The following PMPCA variants were observed in gnomAD, a reference collection of about 807,000 sequenced individuals.
The protein encoded by PMPCA is peptidase, mitochondrial processing subunit alpha, also known as mitochondrial-processing peptidase subunit alpha.
PMPCA carries 47 observed loss-of-function variants against 59.3 expected under a neutral mutation model. The observed-to-expected ratio is 0.79, with a 90% CI of 0.63 to 1.01. PMPCA has a LOEUF of 1.01. Ranked by LOEUF, PMPCA falls within the 50% of genes least tolerant of loss-of-function variation. The pLI is 0.00. For synonymous variants in PMPCA, 338 were observed against 290.3 expected, an observed-to-expected ratio of 1.16 and a Z score of -1.67; for missense variants, 726 against 704.5, an observed-to-expected ratio of 1.03 and a Z score of -0.34.
In PMPCA at chr9:136,417,119, C is replaced by T. The variant is rs868051663; in HGVS notation, c.802C>T (p.Arg268Trp). Residue 268 changes from arginine (R) to tryptophan (W), a missense_variant, in exon 7 of 13, where the codon CGG becomes TGG. Coordinates refer to ENST00000371717, the MANE Select transcript of PMPCA (RefSeq NM_015160.3). ...VEHEHLVDCA[R>W]KYLLGVQPAW... ...GCACGAGCATCTGGTGGACTGTGCCCGGAAGTACCTCCTGGGGGTCCAGCC... is the reference window on the plus strand; with the variant it reads ...GCACGAGCATCTGGTGGACTGTGCCTGGAAGTACCTCCTGGGGGTCCAGCC... 14 of 1,613,548 alleles carry T rather than the reference C, an allele frequency of 8.7e-6. No individual in the cohort carries two copies. Among genetic ancestry groups the T allele is most frequent in the African/African-American group, 5.3e-5 (4 of 74,912 alleles).
intron 5 of PMPCA, chr9:136,415,977 C>G: frequency 2.4e-6 from 1 of 425,486 alleles, no homozygotes; most frequent in South Asian, 3.5e-5. Flanking sequence ...CTCGTGTCCT[C>G]ACAGCAGCAC....
chr9:136,422,613 C>T (rs1175028048), intron 12 of PMPCA: 1 of 1,007,572 alleles, frequency 9.9e-7, no homozygotes, highest in African/African-American at 1.7e-5. Flanking sequence ...TCAGGAGCCC[C>T]CGCTTAAATC....
At chr9:136,412,987 G>A in intron 4 of PMPCA, 95 bp downstream of exon 4, 1 of 785,144 alleles carries the variant, frequency 1.3e-6, no homozygotes, top group East Asian at 2.5e-5. Context: ...CCCAGCGGGA[G>A]GTGTGGAGAT....
At chr9:136,411,932 C>G in intron 1 of PMPCA, 65 bp from the exon 2 acceptor site, 1 of 913,510 alleles carries the variant, frequency 1.1e-6, no homozygotes, top group Non-Finnish European at 1.8e-6. Flanking sequence ...CTAACCGCAC[C>G]TAACAGGTCA....
At chr9:136,422,984 C>G (rs1006719599) in intron 12 of PMPCA, 111 bp from the exon 13 acceptor site, 2 of 1,468,428 alleles carry the variant, frequency 1.4e-6, no homozygotes, top group Non-Finnish European at 1.8e-6. Flanking sequence ...ATCAGCAGCA[C>G]AGCGTGAGTG....
intron 12 of PMPCA, 128 bp from the exon 13 acceptor site, chr9:136,422,966 GT>G: frequency 6.9e-7 from 1 of 1,450,412 alleles, no homozygotes; most frequent in Non-Finnish European, 9.1e-7. Context: ...TTGGGCCCAG[GT>G]GCCCCCATCA....
intron 1 of PMPCA, among the ~76,000 whole-genome samples, chr9:136,411,712 C>A (rs548098529): frequency 6.6e-6 from 1 of 152,304 alleles, no homozygotes; most frequent in East Asian, 1.9e-4. Context: ...CTGTTAAGTG[C>A]TTTATGTGTA....
chr9:136,419,498 A>G, intron 11 of PMPCA: 2 of 347,168 alleles, frequency 5.8e-6, no homozygotes, highest in African/African-American at 4.2e-5. Flanking sequence ...GGGGTGAAGC[A>G]GCTCGCACAG....
rs1009542436 is a variant in PMPCA, at chr9:136,422,108, G to A, written c.1408+132G>A. ...CACCCAGAATCTGGGGCCTTCACCA[G>A]TTGTCCTCAGCAGGGGCGGCCAAGG... On this transcript the variant is annotated intron_variant, in intron 12 of 12. Coordinates refer to ENST00000371717, the MANE Select transcript of PMPCA (RefSeq NM_015160.3). 3.2e-6 allele frequency: 5 copies of A among 1,545,490 alleles called. No individual in the cohort carries two copies. The African/African-American group carries it at 6.9e-5, about 21-fold the overall frequency.
chr9:136,421,404 G>GTTTTTTTTTTT (rs57128281), intron 11 of PMPCA, among the ~76,000 whole-genome samples: 1 of 118,008 alleles, frequency 8.5e-6, no homozygotes, highest in Non-Finnish European at 1.7e-5. Context: ...CTGGGTTCCC[G>GTTTTTTTTTTT]TTTTTTTTTT....
intron 1 of PMPCA, 28 bp downstream of exon 1, chr9:136,410,767 C>T (rs367781454): frequency 4.3e-6 from 6 of 1,387,946 alleles, no homozygotes; most frequent in Non-Finnish European, 3.7e-6. Flanking sequence ...CAGGCTTCGG[C>T]CTGGGGCGGG....
intron 8 of PMPCA, among the ~76,000 whole-genome samples, 173 bp downstream of exon 8, chr9:136,418,282 T>G (rs1835340692): frequency 6.6e-6 from 1 of 151,604 alleles, no homozygotes; most frequent in South Asian, 2.1e-4. Flanking sequence ...TGTGGGCGAC[T>G]CAGCCAGCTC....
chr9:136,415,144 G>A (rs1235880167), intron 5 of PMPCA, among the ~76,000 whole-genome samples: 19 of 152,106 alleles, frequency 1.2e-4, no homozygotes, highest in Admixed American at 8.5e-4. Context: ...GCTGGCTCAC[G>A]CCTGTAATCC....
At chr9:136,416,098 C>T (rs1295311201) in intron 5 of PMPCA, 193 bp from the exon 6 acceptor site, 2 of 593,992 alleles carry the variant, frequency 3.4e-6, no homozygotes, top group Admixed American at 6.1e-5. Context: ...GGCCCAGGTC[C>T]CCTAGCTCCT....
At position 136,416,376 on chromosome 9, in the gene PMPCA, C is replaced by G; in HGVS notation, c.618C>G (p.Thr206=). 6.2e-7 allele frequency: 1 copy of G among 1,611,394 alleles called. No homozygotes were observed. Among genetic ancestry groups the G allele is most frequent in the Non-Finnish European group, 8.5e-7 (1 of 1,177,592 alleles). The part of the protein sequence containing the change: ...NLRPDPEPLL[T]EMIHEAAYRE... ...GGCCTGACCCAGAGCCACTTCTCAC[C>G]GAGATGATTCATGAAGTAAAATGTC... The change falls in exon 6 of 13, where the codon ACC becomes ACG. Residue 206 remains threonine, a synonymous_variant. Coordinates refer to ENST00000371717, the MANE Select transcript of PMPCA (RefSeq NM_015160.3).
In PMPCA at chr9:136,418,760, T is replaced by C. The variant is rs1359862206; in HGVS notation, c.1110-68T>C. 5 of 1,512,986 alleles carry C rather than the reference T, an allele frequency of 3.3e-6. No individual in the cohort carries two copies. In the East Asian group the frequency reaches 1.1e-4, roughly 34 times the overall value. The allele number at this position is 1,512,986 out of a possible 1,614,324, so 93.7% of individuals were successfully genotyped here. On this transcript the variant is annotated intron_variant, in intron 9 of 12. Transcript: ENST00000371717. ...CATGAGGCCACCTTCCAGGTGACTT[T>C]TCTCCAGTTTCCCATGGCCTGATCC... is the stretch of plus-strand genomic sequence containing the variant.
chr9:136,415,642 T>C (rs914209180), intron 5 of PMPCA, among the ~76,000 whole-genome samples: 5 of 152,248 alleles, frequency 3.3e-5, no homozygotes, highest in Admixed American at 6.5e-5. Flanking sequence ...GTGCCTCTGT[T>C]TCTTTTTGGA....
intron 1 of PMPCA, 68 bp downstream of exon 1, chr9:136,410,807 C>T (rs536347775): frequency 1.2e-5 from 15 of 1,269,832 alleles, no homozygotes; most frequent in Non-Finnish European, 1.5e-5. Context: ...GACGCTCCGT[C>T]TTCGGTTTCT....
At chr9:136,418,392 G>A (rs928274029) in intron 8 of PMPCA, among the ~76,000 whole-genome samples, 163 bp from the exon 9 acceptor site, 12 of 147,858 alleles carry the variant, frequency 8.1e-5, no homozygotes, top group African/African-American at 2.0e-4. Context: ...CTCCTGACGC[G>A]GCATGGGTGG....
Sources: gnomAD v4.1 joint callset for allele counts (sites outside exome capture counted in the v4.1 genomes callset) on GRCh38, gnomAD v4.1.1 for gene constraint, MANE v1.5 for transcripts, NCBI Gene and HGNC (gene_info 2026-07-23, HGNC 2026-07-21) for gene names.